The following DPEP2 variants were observed in gnomAD, a reference collection of about 807,000 sequenced individuals.
The protein encoded by DPEP2 is dipeptidase 2.
Under a neutral mutation model 51.8 loss-of-function variants are expected in DPEP2, and 45 were observed. The ratio of observed to expected loss-of-function variants is 0.87; its 90% CI spans 0.68 to 1.11. The LOEUF (loss-of-function observed/expected upper bound fraction) is 1.11, where lower values mean the gene tolerates loss of function less well. DPEP2 is among the 50% of genes most tolerant of loss of function. The probability of loss-of-function intolerance (pLI) is 0.00; values close to 1 mark genes in which losing one functional copy is unlikely to be tolerated. For missense variants in DPEP2, 604 were observed against 631.9 expected (o/e 0.96, Z 0.47); for synonymous variants, 255 against 262.7 (o/e 0.97, Z 0.28).
chr16:67,993,941 C>G (rs1284864224), intron 1 of DPEP2: 1 of 985,468 alleles, frequency 1.0e-6, no homozygotes, highest in Non-Finnish European at 1.2e-6. Context: ...TCCTCCGCCC[C>G]CCGCCCCGAC....
At position 67,987,882 on chromosome 16, in the gene DPEP2, G is replaced by T; in HGVS notation, c.1176C>A (p.Asn392Lys). Residue 392 changes from asparagine to lysine, a missense_variant, in exon 10 of 11, where the codon AAC becomes AAA. Transcript: ENST00000393847. ...EEELQGVLRG[N>K]LLRVFRQVEK... Reference sequence around the variant, plus strand: ...CCACTTGTCTGAAGACCCGCAGCAGGTTTCCACGAAGGACACCCTGAAGCT... The same window carrying T: ...CCACTTGTCTGAAGACCCGCAGCAGTTTTCCACGAAGGACACCCTGAAGCT... 3 of 1,614,168 alleles carry T rather than the reference G, an allele frequency of 1.9e-6. No individual in the cohort carries two copies. The highest frequency in any genetic ancestry group is 2.5e-6 in the Non-Finnish European group (3 of 1,180,048).
upstream of DPEP2, chr16:68,000,597 A>G (rs1179325550): frequency 5.7e-6 from 4 of 706,006 alleles, no homozygotes; most frequent in Non-Finnish European, 7.0e-6. Flanking sequence ...TCCAAGCCAG[A>G]AAGCAGCCTG....
Position 67,993,254 on chromosome 16 carries a change from G to T in DPEP2, c.-42C>A. Reference sequence around the variant, plus strand: ...CAGGCAGGCAGGGGTGGCAGTCAGAGAGCCTGAGAGGGGCGGGCGAGGGGC... The same window carrying T: ...CAGGCAGGCAGGGGTGGCAGTCAGATAGCCTGAGAGGGGCGGGCGAGGGGC... On this transcript the variant is annotated 5_prime_UTR_variant, in exon 2 of 11. Transcript: ENST00000393847. The T allele has an allele frequency of 7.1e-7, 1 of 1,407,114 alleles. No homozygotes were observed. The allele number at this position is 1,407,114 out of a possible 1,614,324, so 87.2% of individuals were successfully genotyped here. A position where few individuals can be genotyped will look rare whatever the true frequency, so the allele number is the denominator to read the frequency against.
In DPEP2 at chr16:67,987,990, G is replaced by C. The variant is rs371613743; in HGVS notation, c.1071-3C>G. 404 of 1,614,004 alleles carry C rather than the reference G, an allele frequency of 2.5e-4. No individual in the cohort carries two copies. Among genetic ancestry groups the C allele is most frequent in the Non-Finnish European group, 3.0e-4 (355 of 1,180,030 alleles). ...CGTCTTCCAGCCCCTGAGGGAATCT[G>C]TGTGGCCACCAGCTAGTGGGTTTCA... is the stretch of plus-strand genomic sequence containing the variant. On this transcript the variant is annotated splice_polypyrimidine_tract_variant and splice_region_variant and intron_variant, in intron 9 of 10. Transcript: ENST00000393847.
chr16:67,989,478 C>T, intron 8 of DPEP2, 80 bp from the exon 9 acceptor site: 1 of 1,449,410 alleles, frequency 6.9e-7, no homozygotes, highest in Non-Finnish European at 9.7e-7. Flanking sequence ...GGCACTGAGT[C>T]TCCTTCTTGC....
In DPEP2 at chr16:67,999,452, C is replaced by T. The variant is rs773070971; in HGVS notation, c.-123G>A. On this transcript the variant is annotated 5_prime_UTR_variant, in exon 1 of 11. Coordinates refer to ENST00000393847, the MANE Select transcript of DPEP2 (RefSeq NM_022355.4). ...AGTGAGACCAAGAACCCACCAATTC[C>T]GGACACACTAAGACAAGATTTCACT... 496 of 991,098 alleles carry T rather than the reference C, an allele frequency of 5.0e-4. No individual in the cohort carries two copies. The highest frequency in any genetic ancestry group is 5.6e-4 in the Non-Finnish European group (470 of 834,368). 61.4% of individuals were successfully genotyped at this position (991,098 alleles called of 1,614,324 possible).
rs781214458 is a variant in DPEP2, at chr16:67,987,587, C to A, written c.1380G>T (p.Trp460Cys). 1 of 1,614,020 alleles carries A rather than the reference C, an allele frequency of 6.2e-7. No individual in the cohort carries two copies. Among genetic ancestry groups the A allele is most frequent in the East Asian group, 2.2e-5 (1 of 44,890 alleles). ...IHWTAKLPAK[W>C]SVSESSPHMA... ...TGTGGGGGGAGGACTCTGAGACTGACCACTTGGCTGGTAACTTGGCTGTCC... is the reference window on the plus strand; with the variant it reads ...TGTGGGGGGAGGACTCTGAGACTGAACACTTGGCTGGTAACTTGGCTGTCC... Residue 460 changes from tryptophan (W) to cysteine (C), a missense_variant, in exon 11 of 11, where the codon TGG becomes TGT. Coordinates refer to ENST00000393847, the MANE Select transcript of DPEP2 (RefSeq NM_022355.4).
In DPEP2 at chr16:67,991,725, A is replaced by T; in HGVS notation, c.662+113T>A. The T allele has an allele frequency of 2.1e-6, 3 of 1,444,796 alleles. No individual in the cohort carries two copies. The highest frequency in any genetic ancestry group is 2.8e-6 in the Non-Finnish European group (3 of 1,077,158). The allele number at this position is 1,444,796 out of a possible 1,614,324, so 89.5% of individuals were successfully genotyped here. A position where few individuals can be genotyped will look rare whatever the true frequency, so the allele number is the denominator to read the frequency against. On this transcript the variant is annotated intron_variant, in intron 5 of 10. Coordinates refer to ENST00000393847, the MANE Select transcript of DPEP2 (RefSeq NM_022355.4). The surrounding 1 kb of genome is among the most constrained non-coding windows in gnomAD (Gnocchi z 5.1). ...AACCAGAATCCCAGCTCCCCTCCCC[A>T]CTCCAGAGTCAGTGCCACATCCCAT...
chr16:67,992,994 T>C lies in DPEP2; in HGVS notation c.219A>G (p.Gln73=). Residue 73 remains glutamine (Q), a synonymous_variant, in exon 2 of 11, where the codon CAA becomes CAG. Transcript: ENST00000393847. Reference sequence around the variant, plus strand: ...CCCGCATCAGGGCCCGTGCCTGCTCTTGCAGGCCCTGGGTGCTGGGACTAC... The same window carrying C: ...CCCGCATCAGGGCCCGTGCCTGCTCCTGCAGGCCCTGGGTGCTGGGACTAC... ...TLSSPSTQGL[Q]EQARALMRDF... 1 of 1,609,820 alleles carries C rather than the reference T, an allele frequency of 6.2e-7. No individual in the cohort carries two copies. Among genetic ancestry groups the C allele is most frequent in the Non-Finnish European group, 8.5e-7 (1 of 1,178,094 alleles).
In DPEP2 at chr16:67,991,810, G is replaced by A. The variant is rs745720457; in HGVS notation, c.662+28C>T. 5.9e-5 allele frequency: 95 copies of A among 1,610,090 alleles called. 2 individuals are homozygous for A. The South Asian group carries it at 8.7e-4, about 15-fold the overall frequency. ...GGCAGATCTCTGCCCCTGCCTCAGC[G>A]GTCCCACACCATCTGCACTAGGCTC... On this transcript the variant is annotated intron_variant, in intron 5 of 10. Coordinates refer to ENST00000393847, the MANE Select transcript of DPEP2 (RefSeq NM_022355.4). The surrounding 1 kb of genome is among the most constrained non-coding windows in gnomAD (Gnocchi z 5.1).
At chr16:67,989,622 C>T (rs893949359) in intron 8 of DPEP2, among the ~76,000 whole-genome samples, 1 of 152,188 alleles carries the variant, frequency 6.6e-6, no homozygotes, top group Non-Finnish European at 1.5e-5. Context: ...ATCCACAGAG[C>T]CACTTGTCTG....
Position 67,987,581 on chromosome 16 carries a change from G to T in DPEP2, c.1386C>A (p.Val462=). 1 of 1,614,194 alleles carries T rather than the reference G, an allele frequency of 6.2e-7. No homozygotes were observed. The highest frequency in any genetic ancestry group is 8.5e-7 in the Non-Finnish European group (1 of 1,180,030). Residue 462 remains valine, a synonymous_variant, in exon 11 of 11, where the codon GTC becomes GTA. Transcript: ENST00000393847. The part of the protein sequence containing the change: ...WTAKLPAKWS[V]SESSPHMAPV... ...GGGCCATGTGGGGGGAGGACTCTGA[G>T]ACTGACCACTTGGCTGGTAACTTGG...
Position 67,993,056 on chromosome 16 carries a change from T to C in DPEP2, c.157A>G (p.Thr53Ala). ...GAGGGAGCGTAGGTGCCCGGCATGGTGTGGGCTCTGGGGGCGCCCAGCGTG... is the reference window on the plus strand; with the variant it reads ...GAGGGAGCGTAGGTGCCCGGCATGGCGTGGGCTCTGGGGGCGCCCAGCGTG... ...LTTLGAPRAH[T>A]MPGTYAPSTT... The change falls in exon 2 of 11, where the codon ACC becomes GCC. Residue 53 changes from threonine to alanine, a missense_variant. Coordinates refer to ENST00000393847, the MANE Select transcript of DPEP2 (RefSeq NM_022355.4). 1 of 1,578,990 alleles carries C rather than the reference T, an allele frequency of 6.3e-7. No individual in the cohort carries two copies. Among genetic ancestry groups the C allele is most frequent in the Non-Finnish European group, 8.6e-7 (1 of 1,161,622 alleles).
chr16:67,993,378 C>A, intron 1 of DPEP2, 121 bp from the exon 2 acceptor site: 2 of 1,292,854 alleles, frequency 1.5e-6, no homozygotes, highest in Non-Finnish European at 2.0e-6. Context: ...GAAGGATGTG[C>A]GGAGAGCGGC....
intron 1 of DPEP2, among the ~76,000 whole-genome samples, chr16:67,997,736 G>A (rs772610250): frequency 2.0e-4 from 30 of 152,224 alleles, no homozygotes; most frequent in Non-Finnish European, 3.8e-4. Flanking sequence ...GAGGGGTAAG[G>A]AATGAAGGGG....
chr16:67,999,600 A>C, upstream of DPEP2: 1 of 634,712 alleles, frequency 1.6e-6, no homozygotes, highest in Non-Finnish European at 2.0e-6. Context: ...TGTTCATGTG[A>C]GCCCACGATG....
chr16:67,991,887 T>G lies in DPEP2; in HGVS notation c.613A>C (p.Met205Leu), dbSNP rs765330926. Residue 205 changes from methionine (M) to leucine (L), a missense_variant, in exon 5 of 11, where the codon ATG (methionine) becomes CTG (leucine). By Grantham distance (15) the Met-to-Leu change is conservative. Transcript: ENST00000393847. The surrounding 1 kb of genome is among the most constrained non-coding windows in gnomAD (Gnocchi z 5.1). ...AGCGTCAGGTAGCGCACTCCCAGCA[T>G]GTAGAAGGTACGTAAGATGGAGAGG... ...NSLSILRTFYMLGVRYLTLTH... is the reference protein window; with the variant it reads ...NSLSILRTFYLLGVRYLTLTH... The G allele has an allele frequency of 7.4e-6, 12 of 1,614,148 alleles. No individual in the cohort carries two copies. Among genetic ancestry groups the G allele is most frequent in the Middle Eastern group, 1.6e-4 (1 of 6,062 alleles).
Position 67,989,823 on chromosome 16 carries a change from C to T in DPEP2, c.994+224G>A, listed in dbSNP as rs571484486. ...GGAAGGGTGCTTTGGGGATCCCCTG[C>T]AGAGGCGCAGATAGTTAGCACTCAG... On this transcript the variant is annotated intron_variant, in intron 8 of 10. Transcript: ENST00000393847. Among the ~76,000 whole-genome samples, 22 of 152,342 alleles carry T rather than the reference C, an allele frequency of 1.4e-4. 1 individual carries two copies. The highest frequency in any genetic ancestry group is 3.4e-3 in the Middle Eastern group (1 of 294).
At chr16:67,997,352 A>G (rs1230765662) in intron 1 of DPEP2, among the ~76,000 whole-genome samples, 2 of 147,340 alleles carry the variant, frequency 1.4e-5, no homozygotes, top group Non-Finnish European at 3.0e-5. Context: ...TTTTATTTTT[A>G]TATTTATTTG....
Sources: allele counts gnomAD v4.1 joint callset (sites outside exome capture counted in the v4.1 genomes callset), GRCh38; gene constraint gnomAD v4.1.1; non-coding constraint Gnocchi (gnomAD v3.1); transcripts MANE v1.5; gene names NCBI Gene and HGNC (gene_info 2026-07-23, HGNC 2026-07-21).